The following RANBP10 variants were observed in gnomAD, a reference collection of about 807,000 sequenced individuals.
RANBP10 encodes the protein RAN binding protein 10, also known as ran-binding protein 10.
RANBP10 carries 24 observed loss-of-function variants against 72.8 expected under a neutral mutation model. The ratio of observed to expected loss-of-function variants is 0.33; its 90% CI spans 0.24 to 0.46. RANBP10 has a LOEUF of 0.46. RANBP10 is among the 20% of genes least tolerant of loss of function. The pLI is 1.00. For synonymous variants in RANBP10, 310 were observed against 322.3 expected, an observed-to-expected ratio of 0.96 and a Z score of 0.41; for missense variants, 679 against 817.5, an observed-to-expected ratio of 0.83 and a Z score of 2.07.
Position 67,727,981 on chromosome 16 carries a change from T to G in RANBP10, c.1475-85A>C, listed in dbSNP as rs1597817577. The stretch of plus-strand genomic sequence containing the variant: ...AGGGTGGGGCAGGAAGGACCCCGGG[T>G]GGGCTGCAGCTTCTGCCAGAGGCAG... On this transcript the variant is annotated intron_variant, in intron 11 of 13. Transcript: ENST00000317506. 1.2e-5 allele frequency: 18 copies of G among 1,466,298 alleles called. No individual in the cohort carries two copies. The East Asian group carries it at 3.0e-4, about 25-fold the overall frequency. The allele number at this position is 1,466,298 out of a possible 1,614,324, so 90.8% of individuals were successfully genotyped here.
At chr16:67,795,675 G>C (rs1192582000) in intron 2 of RANBP10, among the ~76,000 whole-genome samples, 1 of 151,646 alleles carries the variant, frequency 6.6e-6, no homozygotes, top group East Asian at 2.0e-4. Flanking sequence ...AGACCACGGT[G>C]AAACCCCATC....
chr16:67,727,656 C>T (rs1378520363), intron 12 of RANBP10, 95 bp downstream of exon 12: 11 of 1,571,666 alleles, frequency 7.0e-6, no homozygotes, highest in African/African-American at 1.3e-5. Context: ...GGCTGGAGCC[C>T]ACTCTTTCCT....
At position 67,730,318 on chromosome 16, in the gene RANBP10, C is replaced by A. The variant is rs917544368; in HGVS notation, c.890-272G>T. ...AGGAGGGTAAATGTGGAGGTCTGCT[C>A]CTGCGGGGCACATGGTGCCAGGGAC... On this transcript the variant is annotated intron_variant, in intron 7 of 13. Transcript: ENST00000317506. The surrounding 1 kb of genome is among the most constrained non-coding windows in gnomAD (Gnocchi z 4.3). Among the ~76,000 whole-genome samples the A allele has an allele frequency of 6.6e-6, 1 of 152,176 alleles. No homozygotes were observed. Among genetic ancestry groups the A allele is most frequent in the Non-Finnish European group, 1.5e-5 (1 of 68,020 alleles).
chr16:67,763,373 T>C (rs1465011843), intron 3 of RANBP10: 2 of 152,212 alleles, frequency 1.3e-5, no homozygotes, highest in Non-Finnish European at 2.9e-5. Flanking sequence ...AGGTGGACAG[T>C]GGCTGTCAGC....
chr16:67,783,345 C>T (rs753539822), intron 2 of RANBP10, among the ~76,000 whole-genome samples: 4 of 152,136 alleles, frequency 2.6e-5, no homozygotes, highest in Non-Finnish European at 5.9e-5. Context: ...GGGAAGGAGA[C>T]GACCCCTTTA....
At chr16:67,788,074 T>C (rs1348691218) in intron 2 of RANBP10, among the ~76,000 whole-genome samples, 1 of 152,120 alleles carries the variant, frequency 6.6e-6, no homozygotes, top group Non-Finnish European at 1.5e-5. Flanking sequence ...CTTGACCTCA[T>C]GATCCACCCG....
chr16:67,729,906 C>G lies in RANBP10; in HGVS notation c.998+32G>C. On this transcript the variant is annotated intron_variant, in intron 8 of 13. Coordinates refer to ENST00000317506, the MANE Select transcript of RANBP10 (RefSeq NM_020850.3). The surrounding 1 kb of genome is among the most constrained non-coding windows in gnomAD (Gnocchi z 7.1). The stretch of plus-strand genomic sequence containing the variant: ...CCACCACCAGCTGAGAGGGGCTGGA[C>G]TCTGGGGGAGCTGGGGGTGCCCAAG... 1 of 1,613,626 alleles carries G rather than the reference C, an allele frequency of 6.2e-7. No homozygotes were observed. Among genetic ancestry groups the G allele is most frequent in the Non-Finnish European group, 8.5e-7 (1 of 1,179,906 alleles).
chr16:67,800,924 T>C (rs2055224480), intron 2 of RANBP10, among the ~76,000 whole-genome samples: 1 of 152,156 alleles, frequency 6.6e-6, no homozygotes. Context: ...CAGTCCACTC[T>C]CTACTGAATG....
intron 3 of RANBP10, among the ~76,000 whole-genome samples, chr16:67,758,030 A>T (rs2054322521): frequency 6.6e-6 from 1 of 152,228 alleles, no homozygotes; most frequent in Non-Finnish European, 1.5e-5. Flanking sequence ...CCCAGGTGTC[A>T]GCTTGAAGTC....
At chr16:67,746,156 CA>C (rs1567684570) in intron 3 of RANBP10, among the ~76,000 whole-genome samples, 1 of 144,926 alleles carries the variant, frequency 6.9e-6, no homozygotes, top group Non-Finnish European at 1.5e-5. Context: ...AACTCTGTCT[CA>C]AAAAAATAAA....
At chr16:67,772,273 G>C (rs571144812) in intron 2 of RANBP10, among the ~76,000 whole-genome samples, 187 bp from the exon 3 acceptor site, 1 of 152,254 alleles carries the variant, frequency 6.6e-6, no homozygotes, top group East Asian at 1.9e-4. Context: ...AAGCATCTTA[G>C]TGCCTCACCC....
intron 3 of RANBP10, among the ~76,000 whole-genome samples, chr16:67,769,079 A>T (rs563123371): frequency 3.3e-5 from 5 of 152,152 alleles, no homozygotes; most frequent in African/African-American, 4.8e-5. Context: ...TTGGTAGCAC[A>T]TCATATATTT....
intron 4 of RANBP10, 33 bp from the exon 5 acceptor site, chr16:67,738,068 GCCC>G (rs1427983933): frequency 6.4e-7 from 1 of 1,569,682 alleles, no homozygotes; most frequent in Non-Finnish European, 8.7e-7. Flanking sequence ...ATCAGGGCCA[GCCC>G]CTGGGGCTAC....
intron 2 of RANBP10, among the ~76,000 whole-genome samples, chr16:67,777,875 A>G (rs1425375595): frequency 6.6e-6 from 1 of 152,222 alleles, no homozygotes; most frequent in Non-Finnish European, 1.5e-5. Context: ...CTACAATAAT[A>G]AATCAGTTTA....
chr16:67,779,253 G>A lies in RANBP10; in HGVS notation c.348-7167C>T, dbSNP rs148415228. On this transcript the variant is annotated intron_variant, in intron 2 of 13. Coordinates refer to ENST00000317506, the MANE Select transcript of RANBP10 (RefSeq NM_020850.3). Reference sequence around the variant, plus strand: ...CCACCAAAAATACAAAAATTAACCAGACATGGTAGTGCACACCTGTAGTCC... The same window carrying A: ...CCACCAAAAATACAAAAATTAACCAAACATGGTAGTGCACACCTGTAGTCC... 1.1e-4 allele frequency among the ~76,000 whole-genome samples: 16 copies of A among 152,126 alleles called. No homozygotes were observed. The East Asian group carries it at 1.9e-3, about 18-fold the overall frequency.
intron 3 of RANBP10, among the ~76,000 whole-genome samples, chr16:67,767,616 AGAC>A (rs1439683104): frequency 1.4e-5 from 2 of 143,382 alleles, no homozygotes; most frequent in African/African-American, 5.1e-5. Context: ...TTTTTTTTTG[AGAC>A]GGCGTCTCGC....
At position 67,729,572 on chromosome 16, in the gene RANBP10, T is replaced by C. The variant is rs539041903; in HGVS notation, c.1148-88A>G. Reference sequence around the variant, plus strand: ...ACAACCACAGTGGTCCCATTTCCCTTCTCCCAAATCCAGCAGTGAGCCCTG... The same window carrying C: ...ACAACCACAGTGGTCCCATTTCCCTCCTCCCAAATCCAGCAGTGAGCCCTG... On this transcript the variant is annotated intron_variant, in intron 9 of 13. Transcript: ENST00000317506. This position sits in a 1 kb window ranked among gnomAD's most constrained non-coding sequence, Gnocchi z 7.1. The C allele has an allele frequency of 1.8e-5, 28 of 1,554,658 alleles. No homozygotes were observed. In the East Asian group the frequency reaches 6.3e-4, roughly 35 times the overall value.
chr16:67,736,322 C>T (rs1380720444), intron 5 of RANBP10, among the ~76,000 whole-genome samples: 3 of 152,138 alleles, frequency 2.0e-5, no homozygotes, highest in Admixed American at 6.6e-5. Context: ...CCACCACGCC[C>T]GGCTAATTTT....
chr16:67,790,670 G>A (rs190523071), intron 2 of RANBP10, among the ~76,000 whole-genome samples: 3 of 151,688 alleles, frequency 2.0e-5, no homozygotes, highest in Admixed American at 6.6e-5. Context: ...GAGTGAAGAA[G>A]GACCCAACTG....
Sources: gnomAD v4.1 joint callset for allele counts (sites outside exome capture counted in the v4.1 genomes callset) on GRCh38, gnomAD v4.1.1 for gene constraint, Gnocchi (gnomAD v3.1) non-coding constraint, MANE v1.5 for transcripts, NCBI Gene and HGNC (gene_info 2026-07-23, HGNC 2026-07-21) for gene names.